The following HTR2C variants were observed in gnomAD, a reference collection of about 807,000 sequenced individuals.
The protein encoded by HTR2C is 5-hydroxytryptamine receptor 2C.
Under a neutral mutation model 21.0 loss-of-function variants are expected in HTR2C, and 5 were observed. The ratio of observed to expected loss-of-function variants is 0.24; its 90% CI spans 0.12 to 0.50. The LOEUF (loss-of-function observed/expected upper bound fraction) is 0.50, where lower values mean the gene tolerates loss of function less well. Among genes scored for constraint, HTR2C ranks in the 20% least tolerant of loss-of-function variants. HTR2C has a pLI of 0.98. For missense variants in HTR2C, 271 were observed against 371.2 expected (o/e 0.73, Z 2.22); for synonymous variants, 150 against 145.3 (o/e 1.03, Z -0.23).
intron 4 of HTR2C, among the ~76,000 whole-genome samples, chrX:114,798,509 C>T (rs1556445910): frequency 9.0e-6 from 1 of 111,463 alleles, no homozygotes; most frequent in African/African-American, 3.3e-5. Flanking sequence ...AACATTCATG[C>T]TTTAATGTCT....
At chrX:114,835,799 C>T (rs1556463513) in intron 4 of HTR2C, among the ~76,000 whole-genome samples, 1 of 110,804 alleles carries the variant, frequency 9.0e-6, no homozygotes, top group Non-Finnish European at 1.9e-5. Context: ...TTAGAGTTTC[C>T]AGTTTTTCTG....
chrX:114,709,375 G>A (rs1487509158), intron 2 of HTR2C, among the ~76,000 whole-genome samples: 1 of 111,778 alleles, frequency 8.9e-6, no homozygotes, highest in Non-Finnish European at 1.9e-5. Flanking sequence ...TGGTTGATGG[G>A]ATTATCTCTG....
At chrX:114,627,008 C>A (rs1929404287) in intron 2 of HTR2C, among the ~76,000 whole-genome samples, 2 of 111,534 alleles carry the variant, frequency 1.8e-5, no homozygotes, top group South Asian at 7.4e-4. Context: ...ACATAACGTT[C>A]TAAATTTATT....
intron 4 of HTR2C, among the ~76,000 whole-genome samples, chrX:114,798,487 T>C (rs2070315746): frequency 8.9e-6 from 1 of 111,797 alleles, no homozygotes. Flanking sequence ...GTATGTATTT[T>C]AGCATGCTTT....
chrX:114,809,445 G>A (rs782064006), intron 4 of HTR2C, among the ~76,000 whole-genome samples: 70 of 105,319 alleles, frequency 6.6e-4, no homozygotes, highest in African/African-American at 2.3e-3. Flanking sequence ...GTGCAGTGGC[G>A]CGATCTCGGG....
At chrX:114,754,310 A>G (rs1366694367) in intron 4 of HTR2C, among the ~76,000 whole-genome samples, 3 of 111,873 alleles carry the variant, frequency 2.7e-5, no homozygotes, top group Admixed American at 1.9e-4. Context: ...TAAAATTTAT[A>G]TAGAAAGACA....
At chrX:114,750,922 G>A (rs1464528777) in intron 4 of HTR2C, among the ~76,000 whole-genome samples, 1 of 111,706 alleles carries the variant, frequency 9.0e-6, no homozygotes, top group Non-Finnish European at 1.9e-5. Flanking sequence ...GGGAGGTAGT[G>A]AGACTGAAGA....
chrX:114,801,830 AT>A (rs1482551226), intron 4 of HTR2C, among the ~76,000 whole-genome samples: 2 of 110,900 alleles, frequency 1.8e-5, no homozygotes, highest in Non-Finnish European at 3.8e-5. Flanking sequence ...TCTAATTATA[AT>A]CCTTTAGTTA....
At chrX:114,805,878 C>T (rs1367389291) in intron 4 of HTR2C, among the ~76,000 whole-genome samples, 2 of 68,285 alleles carry the variant, frequency 2.9e-5, no homozygotes, top group Non-Finnish European at 2.7e-5. Context: ...TATATATACA[C>T]CATATGTATA....
At chrX:114,698,568 A>G (rs1556416256) in intron 2 of HTR2C, among the ~76,000 whole-genome samples, 1 of 111,722 alleles carries the variant, frequency 9.0e-6, no homozygotes, top group Non-Finnish European at 1.9e-5. Flanking sequence ...TATTTCATTA[A>G]AGGAAAATAT....
At chrX:114,891,056 G>A (rs189492367) in intron 5 of HTR2C, among the ~76,000 whole-genome samples, 1,425 of 110,269 alleles carry the variant, frequency 0.013, 18 homozygotes, top group African/African-American at 0.043. Context: ...TCTAGCCTTC[G>A]AAATTGCAAT....
intron 4 of HTR2C, among the ~76,000 whole-genome samples, chrX:114,755,253 A>C (rs1395115919): frequency 2.7e-5 from 3 of 109,871 alleles, no homozygotes; most frequent in African/African-American, 6.6e-5. Context: ...AAAAAAAAAA[A>C]AAAACACGGA....
intron 5 of HTR2C, among the ~76,000 whole-genome samples, chrX:114,894,054 C>G (rs782574674): frequency 5.4e-5 from 6 of 111,481 alleles, no homozygotes; most frequent in Non-Finnish European, 1.1e-4. Flanking sequence ...AAATTAGTGG[C>G]AACTGAAACT....
intron 2 of HTR2C, among the ~76,000 whole-genome samples, chrX:114,622,503 C>T (rs781976886): frequency 9.0e-6 from 1 of 111,631 alleles, no homozygotes; most frequent in East Asian, 2.8e-4. Context: ...TCGTTCTCAC[C>T]CATTTCCCCA....
chrX:114,734,072 A>G (rs1164193783), intron 4 of HTR2C, among the ~76,000 whole-genome samples: 2 of 111,556 alleles, frequency 1.8e-5, no homozygotes, highest in Admixed American at 9.6e-5. Context: ...ATAGGACAGC[A>G]TGAAGGAAAA....
At chrX:114,739,809 T>A (rs956858078) in intron 4 of HTR2C, among the ~76,000 whole-genome samples, 16 of 111,778 alleles carry the variant, frequency 1.4e-4, no homozygotes, top group Non-Finnish European at 1.5e-4. Context: ...TTGGATTTTT[T>A]AAATATATTT....
intron 4 of HTR2C, among the ~76,000 whole-genome samples, chrX:114,737,439 G>A (rs1198711116): frequency 9.1e-6 from 1 of 109,951 alleles, no homozygotes; most frequent in African/African-American, 3.3e-5. Context: ...TGTTGGCCAG[G>A]CCACTCCTGA....
chrX:114,760,082 T>G (rs2147376425), intron 4 of HTR2C, among the ~76,000 whole-genome samples: 1 of 111,002 alleles, frequency 9.0e-6, no homozygotes, highest in South Asian at 3.8e-4. Context: ...ATATTCGGAG[T>G]AAGGAGAGGG....
In HTR2C at chrX:114,749,453, C is replaced by CAAAAAAAAAAAAAAAAAAAAAAAAA. The variant is rs782652879; in HGVS notation, c.349+17869_349+17870insAAAAAAAAAAAAAAAAAAAAAAAAA. Among the ~76,000 whole-genome samples, 3 of 41,904 alleles carry CAAAAAAAAAAAAAAAAAAAAAAAAA rather than the reference C, an allele frequency of 7.2e-5. 1 individual carries two copies. The highest frequency in any genetic ancestry group is 7.5e-5 in the Non-Finnish European group (2 of 26,763). The allele number at this position is 41,904 out of a possible 115,157, so 36.4% of individuals were successfully genotyped here. ...TGGTTGACAGAGCAAGTCCATGTCT[C>CAAAAAAAAAAAAAAAAAAAAAAAAA]AAAAAAAAAAAAAAAAAAAAAAAGA... On this transcript the variant is annotated intron_variant, in intron 4 of 5. Transcript: ENST00000276198.
Sources: allele counts gnomAD v4.1 joint callset (sites outside exome capture counted in the v4.1 genomes callset), GRCh38; gene constraint gnomAD v4.1.1; transcripts MANE v1.5; gene names NCBI Gene and HGNC (gene_info 2026-07-23, HGNC 2026-07-21).